Variants in ANO4 observed in about 807,000 individuals in gnomAD.
ANO4 encodes the protein anoctamin-4.
In ANO4, 69 loss-of-function variants were observed where a neutral mutation model predicts 141.9. The observed-to-expected ratio is 0.49, with a 90% CI of 0.40 to 0.59. The LOEUF is 0.59. Among genes scored for constraint, ANO4 ranks in the 20% least tolerant of loss-of-function variants. The probability of loss-of-function intolerance (pLI) is 0.00; values close to 1 mark genes in which losing one functional copy is unlikely to be tolerated. For missense variants in ANO4, 894 were observed against 1,162.2 expected, an observed-to-expected ratio of 0.77 and a Z score of 3.36; for synonymous variants, 350 against 394.3, an observed-to-expected ratio of 0.89 and a Z score of 1.33.
At chr12:100,813,192 A>G (rs1333681004) in intron 1 of ANO4, among the ~76,000 whole-genome samples, 1 of 152,172 alleles carries the variant, frequency 6.6e-6, no homozygotes, top group Admixed American at 6.5e-5. Flanking sequence ...ATTTACCTGA[A>G]TAGCAGGTTG....
At chr12:100,951,708 T>A (rs1566049104) in intron 5 of ANO4, among the ~76,000 whole-genome samples, 1 of 152,228 alleles carries the variant, frequency 6.6e-6, no homozygotes, top group Non-Finnish European at 1.5e-5. Flanking sequence ...TTCCAAAGAC[T>A]TATTACAGTG....
intron 1 of ANO4, among the ~76,000 whole-genome samples, chr12:100,839,845 AC>A (rs1284316629): frequency 1.3e-5 from 2 of 152,176 alleles, no homozygotes; most frequent in African/African-American, 4.8e-5. Flanking sequence ...TAAAATGTGC[AC>A]TAATCTAAAA....
At chr12:101,086,557 T>G in intron 16 of ANO4, 103 bp from the exon 17 acceptor site, 1 of 1,278,524 alleles carries the variant, frequency 7.8e-7, no homozygotes, top group Admixed American at 1.7e-5. Flanking sequence ...AGTACTGCCA[T>G]GGTGTTACTT....
At chr12:100,761,098 T>G (rs1038624327) in intron 3 of ANO4, among the ~76,000 whole-genome samples, 4 of 152,156 alleles carry the variant, frequency 2.6e-5, no homozygotes, top group African/African-American at 9.7e-5. Flanking sequence ...TGCCTTTTGC[T>G]CCATCCCTCC....
At chr12:100,784,592 A>G (rs2033808081) in intron 3 of ANO4, among the ~76,000 whole-genome samples, 1 of 152,194 alleles carries the variant, frequency 6.6e-6, no homozygotes, top group Non-Finnish European at 1.5e-5. Context: ...CCCCACATGC[A>G]GTTTTTCTCC....
intron 6 of ANO4, among the ~76,000 whole-genome samples, chr12:100,971,817 C>T (rs1481699384): frequency 6.6e-6 from 1 of 150,454 alleles, no homozygotes; most frequent in East Asian, 2.0e-4. Context: ...TCTGTAGATA[C>T]AAGTGCAAGA....
chr12:100,804,060 G>A (rs147474853), intron 1 of ANO4, among the ~76,000 whole-genome samples: 67 of 152,144 alleles, frequency 4.4e-4, no homozygotes, highest in African/African-American at 1.6e-3. Flanking sequence ...CCACCACCTG[G>A]GTATTAAGCC....
rs771474868 is a variant in ANO4, at chr12:100,987,680, C to G, written c.734+10C>G. 5.6e-6 allele frequency: 9 copies of G among 1,613,290 alleles called. No homozygotes were observed. In the South Asian group the frequency reaches 8.8e-5, roughly 16 times the overall value. On this transcript the variant is annotated intron_variant, in intron 8 of 27. Transcript: ENST00000392977. Reference sequence around the variant, plus strand: ...AGCAAAGGATCCATCAGTGAGTGTTCCATGTTAAAGCCCCATCTCACTAAG... The same window carrying G: ...AGCAAAGGATCCATCAGTGAGTGTTGCATGTTAAAGCCCCATCTCACTAAG...
intron 1 of ANO4, among the ~76,000 whole-genome samples, chr12:100,805,526 G>C (rs116732658): frequency 1.3e-5 from 2 of 152,092 alleles, no homozygotes; most frequent in Admixed American, 6.5e-5. Flanking sequence ...TATTGAATCC[G>C]TAAATTACTT....
intron 1 of ANO4, among the ~76,000 whole-genome samples, chr12:100,837,278 G>T (rs572046536): frequency 0.047 from 7,157 of 152,206 alleles, 232 homozygotes; most frequent in Middle Eastern, 0.095. Flanking sequence ...AACCATATGA[G>T]ATAAATAGTA....
intron 1 of ANO4, among the ~76,000 whole-genome samples, chr12:100,722,274 A>G (rs570998881): frequency 1.3e-4 from 20 of 152,178 alleles, no homozygotes; most frequent in Non-Finnish European, 2.5e-4. Flanking sequence ...TGGCTGCAAC[A>G]GTGGCCTCCC....
chr12:101,055,633 T>C (rs1286329787), intron 14 of ANO4, among the ~76,000 whole-genome samples: 1 of 152,176 alleles, frequency 6.6e-6, no homozygotes. Context: ...TGCATTTTTA[T>C]TTTTTAATGG....
intron 1 of ANO4, among the ~76,000 whole-genome samples, chr12:100,840,780 A>G (rs1352864733): frequency 6.6e-6 from 1 of 152,122 alleles, no homozygotes; most frequent in Non-Finnish European, 1.5e-5. Flanking sequence ...AGGTAAAGAC[A>G]TTTACTAGAG....
chr12:100,812,768 C>T (rs2035520867), intron 1 of ANO4, among the ~76,000 whole-genome samples: 1 of 152,142 alleles, frequency 6.6e-6, no homozygotes, highest in Non-Finnish European at 1.5e-5. Context: ...CCAGGAGTCC[C>T]TATGAAGAGT....
intron 15 of ANO4, among the ~76,000 whole-genome samples, chr12:101,079,626 T>C (rs1261704156): frequency 6.6e-6 from 1 of 152,138 alleles, no homozygotes; most frequent in Non-Finnish European, 1.5e-5. Flanking sequence ...TCCAGGTACA[T>C]GGAAGCAATC....
chr12:100,871,176 A>G (rs2039015793), intron 1 of ANO4, among the ~76,000 whole-genome samples: 1 of 152,226 alleles, frequency 6.6e-6, no homozygotes, highest in Admixed American at 6.5e-5. Context: ...CCTCAAAGAA[A>G]GAAGGTCATT....
intron 26 of ANO4, among the ~76,000 whole-genome samples, chr12:101,123,028 A>G (rs1267014449): frequency 2.0e-5 from 3 of 152,210 alleles, no homozygotes; most frequent in Non-Finnish European, 2.9e-5. Flanking sequence ...TTGCATTTCT[A>G]TGACTCTAGT....
intron 22 of ANO4, among the ~76,000 whole-genome samples, chr12:101,101,686 G>GA (rs796861084): frequency 0.066 from 9,500 of 143,630 alleles, 789 homozygotes; most frequent in African/African-American, 0.2. Context: ...CTTGAGTCAG[G>GA]AAAAAAAAAA....
intron 22 of ANO4, among the ~76,000 whole-genome samples, chr12:101,102,964 T>C (rs769774434): frequency 1.3e-5 from 2 of 151,684 alleles, no homozygotes; most frequent in Non-Finnish European, 2.9e-5. Context: ...TTAGGAATCT[T>C]TGTGCAACTG....
Sources: allele counts gnomAD v4.1 joint callset (sites outside exome capture counted in the v4.1 genomes callset), GRCh38; gene constraint gnomAD v4.1.1; transcripts MANE v1.5; gene names NCBI Gene and HGNC (gene_info 2026-07-23, HGNC 2026-07-21).